Variants in CCDC39 observed in about 807,000 individuals in gnomAD.
The protein encoded by CCDC39 is coiled-coil domain-containing protein 39.
A neutral mutation model predicts 121.0 loss-of-function variants in CCDC39; 113 were observed. That is an observed-to-expected ratio of 0.93 (90% CI 0.80 to 1.09). The LOEUF (loss-of-function observed/expected upper bound fraction) is 1.09, where lower values mean the gene tolerates loss of function less well. Ranked by LOEUF, CCDC39 falls within the 50% of genes least tolerant of loss-of-function variation. The probability of loss-of-function intolerance (pLI) is 0.00; values close to 1 mark genes in which losing one functional copy is unlikely to be tolerated. For synonymous variants in CCDC39, 349 were observed against 352.2 expected (o/e 0.99, Z 0.10); for missense variants, 1,063 against 1,074.7 (o/e 0.99, Z 0.15).
intron 1 of CCDC39, among the ~76,000 whole-genome samples, chr3:180,675,661 A>G (rs1384760454): frequency 1.3e-5 from 2 of 152,196 alleles, no homozygotes; most frequent in Non-Finnish European, 2.9e-5. Context: ...AATGTGTCCC[A>G]GAGATTCTGG....
intron 13 of CCDC39, among the ~76,000 whole-genome samples, chr3:180,639,499 C>A (rs759800016): frequency 3.7e-4 from 57 of 152,084 alleles, no homozygotes; most frequent in Non-Finnish European, 7.6e-4. Flanking sequence ...AGTTGGAGAC[C>A]ATTATTCTAA....
At chr3:180,655,041 AT>A in intron 6 of CCDC39, 88 bp from the exon 7 acceptor site, 1 of 857,866 alleles carries the variant, frequency 1.2e-6, no homozygotes, top group Non-Finnish European at 1.6e-6. Flanking sequence ...CTATTATTAC[AT>A]TTAGTACTTA....
chr3:180,654,445 A>C (rs1167347173), intron 7 of CCDC39, among the ~76,000 whole-genome samples: 1 of 151,778 alleles, frequency 6.6e-6, no homozygotes, highest in African/African-American at 2.4e-5. Flanking sequence ...AACAAGCAGG[A>C]CTACATCAAA....
At chr3:180,627,754 A>G (rs1321760944) in intron 14 of CCDC39, among the ~76,000 whole-genome samples, 1 of 152,208 alleles carries the variant, frequency 6.6e-6, no homozygotes, top group Non-Finnish European at 1.5e-5. Flanking sequence ...AAAGCCATGT[A>G]TGCCCCATAG....
intron 7 of CCDC39, among the ~76,000 whole-genome samples, chr3:180,653,984 A>AT (rs1289715727): frequency 6.7e-6 from 1 of 150,296 alleles, no homozygotes; most frequent in Non-Finnish European, 1.5e-5. Context: ...TTTTCTGAAT[A>AT]TTTTTTATCA....
At chr3:180,672,218 G>A (rs1205141857) in intron 1 of CCDC39, among the ~76,000 whole-genome samples, 4 of 152,148 alleles carry the variant, frequency 2.6e-5, no homozygotes, top group African/African-American at 9.7e-5. Flanking sequence ...AAAAAGCCTG[G>A]ATGACATGTC....
intron 13 of CCDC39, among the ~76,000 whole-genome samples, chr3:180,638,523 T>C (rs1717884425): frequency 6.6e-6 from 1 of 152,104 alleles, no homozygotes; most frequent in Non-Finnish European, 1.5e-5. Flanking sequence ...TACGTAATTT[T>C]AAATTATTGC....
Position 180,616,549 on chromosome 3 carries a change from C to G in CCDC39, c.2553G>C (p.Glu851Asp). 1 of 1,588,452 alleles carries G rather than the reference C, an allele frequency of 6.3e-7. No individual in the cohort carries two copies. The highest frequency in any genetic ancestry group is 8.6e-7 in the Non-Finnish European group (1 of 1,167,314). ...MLVDIIEENTEIRIILQTYFQ... is the reference protein window; with the variant it reads ...MLVDIIEENTDIRIILQTYFQ... ...AGTATGTTTGAAGGATAATACGGATCTCAGTATTTTCTTCTATGATATCAA... is the reference window on the plus strand; with the variant it reads ...AGTATGTTTGAAGGATAATACGGATGTCAGTATTTTCTTCTATGATATCAA... The change falls in exon 18 of 20, where the codon GAG becomes GAC. Residue 851 changes from glutamate to aspartate, a missense_variant. Transcript: ENST00000476379.
chr3:180,620,036 T>C, intron 14 of CCDC39, 66 bp from the exon 15 acceptor site: 2 of 1,285,942 alleles, frequency 1.6e-6, no homozygotes, highest in East Asian at 2.6e-5. Flanking sequence ...GCCTAATGGC[T>C]GTCTTTGGAG....
rs570992231 is a variant in CCDC39, at chr3:180,644,947, G to A, written c.1528-690C>T. ...TCACATGGTTTACCACTCCCATATT[G>A]GAGTTCATTGTTTGATTCTACGCAA... is the stretch of plus-strand genomic sequence containing the variant. On this transcript the variant is annotated intron_variant, in intron 11 of 19. Transcript: ENST00000476379. Among the ~76,000 whole-genome samples, 12 of 152,148 alleles carry A rather than the reference G, an allele frequency of 7.9e-5. No homozygotes were observed. In the South Asian group the frequency reaches 2.5e-3, roughly 32 times the overall value.
At position 180,660,566 on chromosome 3, in the gene CCDC39, T is replaced by A; in HGVS notation, c.516+4A>T. ...CCTAACAGTTACAATTTGTAATTTC[T>A]CACCCTGATTTTATTATCATCTTGT... On this transcript the variant is annotated splice_donor_region_variant and intron_variant, in intron 4 of 19. Transcript: ENST00000476379. The A allele has an allele frequency of 6.4e-7, 1 of 1,564,448 alleles. No individual in the cohort carries two copies. Among genetic ancestry groups the A allele is most frequent in the Non-Finnish European group, 8.7e-7 (1 of 1,149,850 alleles).
At chr3:180,626,920 A>C (rs952365955) in intron 14 of CCDC39, among the ~76,000 whole-genome samples, 1 of 152,182 alleles carries the variant, frequency 6.6e-6, no homozygotes, top group Non-Finnish European at 1.5e-5. Context: ...AAAATCCTAA[A>C]TCTACTACAT....
At chr3:180,650,393 A>C (rs1421162677) in intron 9 of CCDC39, among the ~76,000 whole-genome samples, 1 of 152,234 alleles carries the variant, frequency 6.6e-6, no homozygotes, top group Non-Finnish European at 1.5e-5. Context: ...GATGATGGGA[A>C]TTTGATTACA....
intron 12 of CCDC39, among the ~76,000 whole-genome samples, chr3:180,643,547 C>T (rs1395430916): frequency 6.6e-6 from 1 of 152,062 alleles, no homozygotes; most frequent in Non-Finnish European, 1.5e-5. Flanking sequence ...GGATATCCAG[C>T]CTCAGTGGTA....
Position 180,631,564 on chromosome 3 carries a change from TTTTAC to T in CCDC39, c.1898_1902del (p.Ser633AsnfsTer2), listed in dbSNP as rs1717697801. On this transcript the variant is annotated frameshift_variant, in exon 14 of 20. Transcript: ENST00000476379. LOFTEE classifies it high-confidence loss of function. ...TCATATCTATTCTTCAGCTTCTCAA[TTTTAC>T]TTAGCCGCTCGCGAAACTCAGTGCT... 6.2e-7 allele frequency: 1 copy of T among 1,608,670 alleles called. No individual in the cohort carries two copies. The highest frequency in any genetic ancestry group is 1.3e-5 in the African/African-American group (1 of 74,902).
intron 11 of CCDC39, among the ~76,000 whole-genome samples, chr3:180,645,396 T>A (rs1175306227): frequency 6.6e-6 from 1 of 152,054 alleles, no homozygotes; most frequent in Non-Finnish European, 1.5e-5. Context: ...ATAAGGTTTG[T>A]GCTCTTATTC....
At chr3:180,655,486 T>C (rs1711558324) in intron 6 of CCDC39, among the ~76,000 whole-genome samples, 2 of 151,580 alleles carry the variant, frequency 1.3e-5, no homozygotes, top group South Asian at 4.2e-4. Flanking sequence ...ATGAATTCTT[T>C]CCAAGAGGAG....
chr3:180,632,928 C>A (rs532295138), intron 13 of CCDC39, among the ~76,000 whole-genome samples: 154 of 152,214 alleles, frequency 1.0e-3, no homozygotes, highest in Non-Finnish European at 1.6e-3. Context: ...CAATGATAAC[C>A]AAAAAATTAC....
intron 1 of CCDC39, among the ~76,000 whole-genome samples, chr3:180,672,917 G>A (rs1204979463): frequency 6.6e-6 from 1 of 152,202 alleles, no homozygotes; most frequent in African/African-American, 2.4e-5. Flanking sequence ...TAGGAGTTTA[G>A]AAGAAGAATA....
Sources: gnomAD v4.1 joint callset for allele counts (sites outside exome capture counted in the v4.1 genomes callset) on GRCh38, gnomAD v4.1.1 for gene constraint, MANE v1.5 for transcripts, NCBI Gene and HGNC (gene_info 2026-07-23, HGNC 2026-07-21) for gene names.